The following GAS7 variants were observed in gnomAD, a reference collection of about 807,000 sequenced individuals.
GAS7 encodes growth arrest-specific protein 7.
In GAS7, 28 loss-of-function variants were observed where a neutral mutation model predicts 71.1. That is an observed-to-expected ratio of 0.39 (90% CI 0.29 to 0.54). The LOEUF (loss-of-function observed/expected upper bound fraction) is 0.54, where lower values mean the gene tolerates loss of function less well. GAS7 is among the 20% of genes least tolerant of loss of function. The pLI, the probability that GAS7 is intolerant of heterozygous loss-of-function variation, is 0.62. For missense variants in GAS7, 436 were observed against 627.8 expected (o/e 0.69, Z 3.27); for synonymous variants, 258 against 245.8 (o/e 1.05, Z -0.46).
intron 9 of GAS7, among the ~76,000 whole-genome samples, chr17:9,928,115 A>ATTT (rs540014843): frequency 4.1e-5 from 6 of 144,692 alleles, no homozygotes; most frequent in Admixed American, 1.4e-4. Context: ...TTTTTTATTT[A>ATTT]TTTATTTATT....
At chr17:10,114,877 C>T (rs933547896) in intron 1 of GAS7, among the ~76,000 whole-genome samples, 2 of 152,194 alleles carry the variant, frequency 1.3e-5, no homozygotes, top group Non-Finnish European at 2.9e-5. Flanking sequence ...TTCCAAGATG[C>T]GTGTCCTTCA....
intron 9 of GAS7, among the ~76,000 whole-genome samples, chr17:9,929,481 AT>A (rs1327809666): frequency 6.6e-6 from 1 of 151,910 alleles, no homozygotes; most frequent in Non-Finnish European, 1.5e-5. Flanking sequence ...TTATTTATTT[AT>A]TTATTTTTTT....
chr17:9,929,775 C>T (rs1045725518), intron 9 of GAS7, among the ~76,000 whole-genome samples: 4 of 151,942 alleles, frequency 2.6e-5, no homozygotes, highest in Admixed American at 6.6e-5. Flanking sequence ...CTGTGCCCGA[C>T]GATATTAAGT....
chr17:10,069,352 C>T (rs771711049), intron 1 of GAS7, among the ~76,000 whole-genome samples: 15 of 152,222 alleles, frequency 9.9e-5, no homozygotes, highest in Non-Finnish European at 1.5e-4. Context: ...AACACTTGTG[C>T]GGACAGAGAG....
intron 1 of GAS7, among the ~76,000 whole-genome samples, chr17:10,051,478 A>G (rs1597752043): frequency 1.3e-5 from 2 of 152,330 alleles, no homozygotes; most frequent in Non-Finnish European, 1.5e-5. Context: ...AAGTAAATAC[A>G]TTTGGAAAAG....
intron 1 of GAS7, among the ~76,000 whole-genome samples, chr17:10,068,857 G>C (rs2073310512): frequency 6.6e-6 from 1 of 152,214 alleles, no homozygotes; most frequent in East Asian, 1.9e-4. Context: ...GAGAAAACCA[G>C]GCGCAAGTTC....
chr17:10,032,904 T>C (rs188568531), intron 1 of GAS7, among the ~76,000 whole-genome samples: 1 of 152,218 alleles, frequency 6.6e-6, no homozygotes. Context: ...ATACCAAAAA[T>C]TGGAAATGAA....
Position 10,034,287 on chromosome 17 carries a change from C to T in GAS7, c.184-14390G>A. ...TGGTCTCCAAGGGCTTTCATATATA[C>T]ATATATATAGCCTAATACTTAATAA... is the stretch of plus-strand genomic sequence containing the variant. On this transcript the variant is annotated intron_variant, in intron 1 of 13. Transcript: ENST00000432992. This position sits in a 1 kb window ranked among gnomAD's most constrained non-coding sequence, Gnocchi z 4.4. The T allele has an allele frequency of 7.5e-6, 6 of 803,576 alleles. No homozygotes were observed. Among genetic ancestry groups the T allele is most frequent in the Non-Finnish European group, 9.0e-6 (6 of 664,172 alleles). The allele number at this position is 803,576 out of a possible 1,614,324, so 49.8% of individuals were successfully genotyped here.
chr17:10,168,232 G>T (rs924523968), intron 1 of GAS7, among the ~76,000 whole-genome samples: 1 of 151,958 alleles, frequency 6.6e-6, no homozygotes, highest in African/African-American at 2.4e-5. Context: ...AATAACCACT[G>T]ATGTATATGT....
chr17:10,198,094 C>A, intron 1 of GAS7, 114 bp downstream of exon 1: 3 of 1,003,780 alleles, frequency 3.0e-6, no homozygotes, highest in East Asian at 2.7e-5. Flanking sequence ...AGGGCTGCCC[C>A]CCGGGGCGCC....
chr17:9,983,496 A>G (rs1237809788), intron 2 of GAS7, among the ~76,000 whole-genome samples: 1 of 145,702 alleles, frequency 6.9e-6, no homozygotes, highest in African/African-American at 2.6e-5. Flanking sequence ...GTCTCAAAAA[A>G]TGAAAATAGG....
intron 1 of GAS7, among the ~76,000 whole-genome samples, chr17:10,064,687 C>T (rs1361567909): frequency 6.6e-6 from 1 of 152,190 alleles, no homozygotes; most frequent in East Asian, 1.9e-4. Flanking sequence ...GGAGCCAATG[C>T]AGAAGGAAGA....
intron 2 of GAS7, among the ~76,000 whole-genome samples, chr17:10,005,587 C>T (rs1399762380): frequency 6.6e-6 from 1 of 152,048 alleles, no homozygotes; most frequent in Non-Finnish European, 1.5e-5. Context: ...GGCCACACCT[C>T]ACGATTTTCT....
rs2067526020 is a variant in GAS7, at chr17:9,914,428, A to C, written c.*2800T>G. On this transcript the variant is annotated 3_prime_UTR_variant, in exon 14 of 14. Transcript: ENST00000432992. ...TTTTTAGCAGAGACGGGGTTTCACC[A>C]TGTTAGCCAGGATGGTCTCGATCTC... The C allele has an allele frequency of 1.7e-5, 3 of 180,024 alleles. No individual in the cohort carries two copies. Among genetic ancestry groups the C allele is most frequent in the Middle Eastern group, 4.3e-3 (2 of 470 alleles). 11.2% of individuals were successfully genotyped at this position (180,024 alleles called of 1,614,324 possible).
At chr17:10,163,957 G>A (rs766391320) in intron 1 of GAS7, among the ~76,000 whole-genome samples, 6 of 152,280 alleles carry the variant, frequency 3.9e-5, no homozygotes, top group East Asian at 1.9e-4. Flanking sequence ...CAAAGAAACC[G>A]CTTGGGACAT....
At chr17:9,958,761 AC>A (rs1202498662) in intron 5 of GAS7, among the ~76,000 whole-genome samples, 5 of 151,828 alleles carry the variant, frequency 3.3e-5, no homozygotes, top group African/African-American at 1.2e-4. Flanking sequence ...CCCCTCAGGG[AC>A]TCCTAGGAAC....
At chr17:9,987,243 G>A (rs191941283) in intron 2 of GAS7, among the ~76,000 whole-genome samples, 118 of 152,290 alleles carry the variant, frequency 7.7e-4, no homozygotes, top group African/African-American at 2.3e-3. Flanking sequence ...GGAACAGTGC[G>A]GTCAGAGTGG....
intron 1 of GAS7, among the ~76,000 whole-genome samples, chr17:10,074,166 G>A (rs2073368647): frequency 6.6e-6 from 1 of 152,164 alleles, no homozygotes; most frequent in African/African-American, 2.4e-5. Context: ...GAAAGTTCCT[G>A]GGAGGGGGGT....
At chr17:10,102,301 A>T (rs1386234066) in intron 1 of GAS7, among the ~76,000 whole-genome samples, 3 of 151,510 alleles carry the variant, frequency 2.0e-5, no homozygotes, top group Non-Finnish European at 4.4e-5. Flanking sequence ...GTGACCCCTG[A>T]ATTATGCTAC....
Sources: allele counts gnomAD v4.1 joint callset (sites outside exome capture counted in the v4.1 genomes callset), GRCh38; gene constraint gnomAD v4.1.1; non-coding constraint Gnocchi (gnomAD v3.1); transcripts MANE v1.5; gene names NCBI Gene and HGNC (gene_info 2026-07-23, HGNC 2026-07-21).